The following CTNNA3 variants were observed in gnomAD, a reference collection of about 807,000 sequenced individuals.
CTNNA3 encodes catenin alpha 3, also known as catenin alpha-3.
In CTNNA3, 76 loss-of-function variants were observed where a neutral mutation model predicts 95.7. The ratio of observed to expected loss-of-function variants is 0.79; its 90% confidence interval spans 0.66 to 0.96. The LOEUF is 0.96. Ranked by LOEUF, CTNNA3 falls within the 40% of genes least tolerant of loss-of-function variation. The pLI, the probability that CTNNA3 is intolerant of heterozygous loss-of-function variation, is 0.00. For missense variants in CTNNA3, 1,191 were observed against 1,089.8 expected (o/e 1.09, Z -1.31); for synonymous variants, 431 against 374.4 (o/e 1.15, Z -1.74).
At chr10:65,926,127 C>T (rs1426002728) in intron 17 of CTNNA3, among the ~76,000 whole-genome samples, 1 of 150,862 alleles carries the variant, frequency 6.6e-6, no homozygotes, top group Non-Finnish European at 1.5e-5. Context: ...AATTGGTAAC[C>T]TGCATAACTG....
At chr10:67,714,423 T>G (rs1295837269) in intron 1 of CTNNA3, among the ~76,000 whole-genome samples, 1 of 152,212 alleles carries the variant, frequency 6.6e-6, no homozygotes, top group East Asian at 1.9e-4. Flanking sequence ...GCTTTCAGAC[T>G]TGTGTGGGGC....
At chr10:66,982,403 T>C (rs865823083) in intron 7 of CTNNA3, among the ~76,000 whole-genome samples, 7 of 152,254 alleles carry the variant, frequency 4.6e-5, no homozygotes, top group East Asian at 1.9e-4. Context: ...TAAATCTCAG[T>C]TTTTTCACCT....
At chr10:66,403,238 C>T (rs1184717824) in intron 11 of CTNNA3, among the ~76,000 whole-genome samples, 2 of 152,170 alleles carry the variant, frequency 1.3e-5, no homozygotes, top group Non-Finnish European at 2.9e-5. Flanking sequence ...GCCTGGTCCT[C>T]CTTGCTTGGC....
intron 9 of CTNNA3, among the ~76,000 whole-genome samples, chr10:66,649,384 G>GAGTGGAGC (rs753296710): frequency 1.3e-5 from 2 of 152,138 alleles, no homozygotes; most frequent in Non-Finnish European, 2.9e-5. Flanking sequence ...TACAGAAGCT[G>GAGTGGAGC]AGTGGAGCAC....
chr10:67,025,550 C>T (rs1853318794), intron 7 of CTNNA3, among the ~76,000 whole-genome samples: 2 of 151,956 alleles, frequency 1.3e-5, no homozygotes, highest in Admixed American at 6.6e-5. Flanking sequence ...TATTTTGCAT[C>T]TTGTTATTTG....
chr10:67,628,203 T>C (rs1839022753), intron 2 of CTNNA3, among the ~76,000 whole-genome samples: 1 of 150,034 alleles, frequency 6.7e-6, no homozygotes, highest in Non-Finnish European at 1.5e-5. Context: ...TCATATAGTA[T>C]CAATAAGAAA....
At chr10:67,118,787 C>T (rs947117665) in intron 7 of CTNNA3, among the ~76,000 whole-genome samples, 2 of 151,778 alleles carry the variant, frequency 1.3e-5, no homozygotes, top group African/African-American at 4.8e-5. Flanking sequence ...TTTCTCAATC[C>T]TAGTCCATAT....
chr10:66,333,972 A>C (rs1321066881), intron 12 of CTNNA3, among the ~76,000 whole-genome samples: 1 of 152,072 alleles, frequency 6.6e-6, no homozygotes, highest in Non-Finnish European at 1.5e-5. Flanking sequence ...TGATCCCTTT[A>C]ACATTATGTA....
intron 7 of CTNNA3, among the ~76,000 whole-genome samples, chr10:66,824,478 T>C (rs981462347): frequency 1.3e-5 from 2 of 152,166 alleles, no homozygotes; most frequent in Non-Finnish European, 2.9e-5. Flanking sequence ...CCTGGTAGGC[T>C]GAAATGGTTA....
At chr10:66,595,104 T>G (rs1332901241) in intron 10 of CTNNA3, among the ~76,000 whole-genome samples, 1 of 151,814 alleles carries the variant, frequency 6.6e-6, no homozygotes, top group Non-Finnish European at 1.5e-5. Flanking sequence ...AAAAATACCT[T>G]TATGTGAGCT....
chr10:67,067,170 T>C (rs74141784), intron 7 of CTNNA3, among the ~76,000 whole-genome samples: 41 of 152,310 alleles, frequency 2.7e-4, no homozygotes, highest in African/African-American at 9.1e-4. Flanking sequence ...TGTCATATAA[T>C]AAATCTTAGC....
intron 5 of CTNNA3, among the ~76,000 whole-genome samples, chr10:67,449,494 G>C (rs1298041152): frequency 6.6e-6 from 1 of 151,648 alleles, no homozygotes; most frequent in Admixed American, 6.6e-5. Flanking sequence ...ACCTAGCCCA[G>C]AAATAATGCT....
chr10:67,580,717 G>A (rs569249317), intron 3 of CTNNA3, among the ~76,000 whole-genome samples: 352 of 151,586 alleles, frequency 2.3e-3, no homozygotes, highest in Middle Eastern at 3.4e-3. Flanking sequence ...ATTTGTTTGT[G>A]TCCTCTTTTA....
chr10:67,390,414 C>T (rs1195893937), intron 5 of CTNNA3, among the ~76,000 whole-genome samples: 1 of 152,074 alleles, frequency 6.6e-6, no homozygotes, highest in Non-Finnish European at 1.5e-5. Flanking sequence ...CAATAATCAA[C>T]AGCTTACCAA....
intron 14 of CTNNA3, among the ~76,000 whole-genome samples, chr10:66,084,018 C>CT (rs2080871486): frequency 1.3e-5 from 2 of 151,386 alleles, no homozygotes; most frequent in African/African-American, 4.8e-5. Flanking sequence ...GCCTGTAATC[C>CT]TAGCTATTCG....
At chr10:66,991,330 T>C (rs765862912) in intron 7 of CTNNA3, among the ~76,000 whole-genome samples, 25 of 152,342 alleles carry the variant, frequency 1.6e-4, no homozygotes, top group Admixed American at 3.3e-4. Flanking sequence ...AGTTTGCTTT[T>C]CTGAAATAAT....
chr10:66,911,044 G>T (rs1293633561), intron 7 of CTNNA3, among the ~76,000 whole-genome samples: 1 of 152,188 alleles, frequency 6.6e-6, no homozygotes, highest in Admixed American at 6.5e-5. Flanking sequence ...CTTGTTACTT[G>T]AAGGGGAATA....
intron 10 of CTNNA3, among the ~76,000 whole-genome samples, chr10:66,619,728 A>T (rs1422880249): frequency 4.0e-5 from 6 of 151,670 alleles, no homozygotes; most frequent in African/African-American, 1.5e-4. Context: ...TAAAAACATA[A>T]AAAGTAAAAA....
At chr10:66,832,537 G>A (rs369952172) in intron 7 of CTNNA3, among the ~76,000 whole-genome samples, 191 of 150,844 alleles carry the variant, frequency 1.3e-3, no homozygotes, top group African/African-American at 4.5e-3. Context: ...CAATCACTGA[G>A]AAAATAAAAA....
Sources: allele counts gnomAD v4.1 joint callset (sites outside exome capture counted in the v4.1 genomes callset), GRCh38; gene constraint gnomAD v4.1.1; transcripts MANE v1.5; gene names NCBI Gene and HGNC (gene_info 2026-07-23, HGNC 2026-07-21).